The following RAVER2 variants were observed in gnomAD, a reference collection of about 807,000 sequenced individuals.
RAVER2 encodes ribonucleoprotein PTB-binding 2.
A neutral mutation model predicts 78.1 loss-of-function variants in RAVER2; 46 were observed. That is an observed-to-expected ratio of 0.59 (90% CI 0.46 to 0.75). The LOEUF (loss-of-function observed/expected upper bound fraction) is 0.75, where lower values mean the gene tolerates loss of function less well. Ranked by LOEUF, RAVER2 falls within the 30% of genes least tolerant of loss-of-function variation. The probability of loss-of-function intolerance (pLI) is 0.00; values close to 1 mark genes in which losing one functional copy is unlikely to be tolerated. For missense variants in RAVER2, 793 were observed against 837.5 expected (o/e 0.95, Z 0.66); for synonymous variants, 311 against 313.3 (o/e 0.99, Z 0.08).
chr1:64,832,696 ATGAC>A (rs1450438546), exon 12 of RAVER2: 6 of 152,194 alleles, frequency 3.9e-5, no homozygotes, highest in Admixed American at 3.9e-4. Context: ...CTGTTGGAAA[ATGAC>A]TGACAGCTAG....
rs1653136262 is a variant in RAVER2, at chr1:64,797,811, A to G, written c.1106-5165A>G. Among the ~76,000 whole-genome samples the G allele has an allele frequency of 2.0e-5, 3 of 152,180 alleles. No homozygotes were observed. The South Asian group carries it at 6.2e-4, about 32-fold the overall frequency. Reference sequence around the variant, plus strand: ...TAACAAAATATATTTTAAGTTGCCAAGTGGGTTTGTATTTTCTATTATCTT... The same window carrying G: ...TAACAAAATATATTTTAAGTTGCCAGGTGGGTTTGTATTTTCTATTATCTT... On this transcript the variant is annotated intron_variant, in intron 5 of 11. Transcript: ENST00000294428.
chr1:64,781,005 A>G (rs780598894), intron 3 of RAVER2, among the ~76,000 whole-genome samples: 1 of 152,186 alleles, frequency 6.6e-6, no homozygotes, highest in Non-Finnish European at 1.5e-5. Flanking sequence ...TAATTTGTTC[A>G]GTATGTTTCA....
intron 11 of RAVER2, among the ~76,000 whole-genome samples, chr1:64,816,947 T>TGTGC (rs1341301483): frequency 3.7e-4 from 57 of 152,152 alleles, no homozygotes; most frequent in African/African-American, 1.3e-3. Context: ...CAAAAGAAAC[T>TGTGC]ACCATCAGAG....
intron 1 of RAVER2, among the ~76,000 whole-genome samples, chr1:64,754,452 T>C (rs1651793708): frequency 6.6e-6 from 1 of 152,090 alleles, no homozygotes; most frequent in African/African-American, 2.4e-5. Context: ...TGTTCTAAAA[T>C]GCTATATTTC....
chr1:64,807,319 G>A, exon 9 of RAVER2: 2 of 1,614,120 alleles, frequency 1.2e-6, no homozygotes. Context: ...TAATACTCAG[G>A]AGAAACAGCC....
chr1:64,826,116 T>G (rs556108053), intron 11 of RAVER2, among the ~76,000 whole-genome samples: 1 of 152,332 alleles, frequency 6.6e-6, no homozygotes, highest in African/African-American at 2.4e-5. Context: ...AGAAAATATT[T>G]TTTGAAAGGT....
At chr1:64,825,991 C>T (rs115318518) in intron 11 of RAVER2, among the ~76,000 whole-genome samples, 63 of 152,364 alleles carry the variant, frequency 4.1e-4, no homozygotes, top group African/African-American at 1.5e-3. Flanking sequence ...GCGAGAAGCA[C>T]ATTAACCTTT....
intron 4 of RAVER2, among the ~76,000 whole-genome samples, chr1:64,783,375 A>G (rs2100841176): frequency 6.6e-6 from 1 of 152,264 alleles, no homozygotes; most frequent in African/African-American, 2.4e-5. Flanking sequence ...CTATTTCTCC[A>G]CATCCTCTCT....
intron 2 of RAVER2, among the ~76,000 whole-genome samples, chr1:64,771,151 A>C (rs1652305802): frequency 6.6e-6 from 1 of 152,008 alleles, no homozygotes; most frequent in African/African-American, 2.4e-5. Flanking sequence ...AATGTCTTAA[A>C]AGCAGCCAGA....
At chr1:64,808,456 CT>C (rs71584460) in intron 9 of RAVER2, among the ~76,000 whole-genome samples, 2,776 of 103,088 alleles carry the variant, frequency 0.027, 8 homozygotes, top group African/African-American at 0.038. Context: ...TAATGCAGTC[CT>C]TTTTTTTTTT....
intron 2 of RAVER2, among the ~76,000 whole-genome samples, chr1:64,771,357 G>T (rs1330764743): frequency 6.6e-6 from 1 of 151,636 alleles, no homozygotes; most frequent in Admixed American, 6.6e-5. Context: ...AAATAGAGAT[G>T]TTTTTCAGTC....
At chr1:64,779,474 T>C (rs1652569726) in intron 3 of RAVER2, among the ~76,000 whole-genome samples, 1 of 151,944 alleles carries the variant, frequency 6.6e-6, no homozygotes, top group South Asian at 2.1e-4. Flanking sequence ...GTTCAAGCGA[T>C]CTTCTTGTCT....
chr1:64,802,522 T>C (rs1263406600), intron 5 of RAVER2, among the ~76,000 whole-genome samples: 1 of 152,238 alleles, frequency 6.6e-6, no homozygotes, highest in Non-Finnish European at 1.5e-5. Flanking sequence ...GATTTTATTA[T>C]GTAAATATTT....
chr1:64,781,317 A>G lies in RAVER2; in HGVS notation c.787-63A>G, dbSNP rs1038800097. 4.9e-5 allele frequency: 69 copies of G among 1,400,020 alleles called. No homozygotes were observed. In the African/African-American group the frequency reaches 7.4e-4, roughly 15 times the overall value. 86.7% of individuals were successfully genotyped at this position (1,400,020 alleles called of 1,614,324 possible). A position where few individuals can be genotyped will look rare whatever the true frequency, so the allele number is the denominator to read the frequency against. The stretch of plus-strand genomic sequence containing the variant: ...TTGTTCTTGAATTTGAAAATTATAT[A>G]TCGTAAATAAATGTTTCTAAGTAAA... On this transcript the variant is annotated intron_variant, in intron 3 of 11. Coordinates refer to ENST00000294428, the Ensembl canonical transcript of RAVER2.
chr1:64,807,093 C>A, intron 8 of RAVER2, 113 bp from the exon 9 acceptor site: 2 of 1,245,550 alleles, frequency 1.6e-6, no homozygotes, highest in Non-Finnish European at 2.2e-6. Flanking sequence ...TGTTATCTAA[C>A]AGGTACAAAA....
At chr1:64,771,206 G>A (rs1242062358) in intron 2 of RAVER2, among the ~76,000 whole-genome samples, 1 of 151,722 alleles carries the variant, frequency 6.6e-6, no homozygotes. Context: ...CAAAGATTAA[G>A]ATGACCATAG....
chr1:64,817,878 G>A (rs190640489), intron 11 of RAVER2, among the ~76,000 whole-genome samples: 256 of 152,138 alleles, frequency 1.7e-3, no homozygotes, highest in African/African-American at 6.1e-3. Flanking sequence ...TTGTGCACAT[G>A]TACCCTAGAA....
exon 12 of RAVER2, chr1:64,832,151 C>CTATT (rs1276074603): frequency 1.4e-5 from 2 of 141,766 alleles, no homozygotes; most frequent in Non-Finnish European, 3.0e-5. Context: ...AGAATGGGGC[C>CTATT]TATTTTGATC....
chr1:64,776,915 A>T (rs1306030123), intron 2 of RAVER2, among the ~76,000 whole-genome samples: 15 of 152,222 alleles, frequency 9.9e-5, no homozygotes, highest in Non-Finnish European at 1.5e-5. Flanking sequence ...TGCTGGAACA[A>T]CTTCATTAGC....
Sources: allele counts gnomAD v4.1 joint callset (sites outside exome capture counted in the v4.1 genomes callset), GRCh38; gene constraint gnomAD v4.1.1; transcripts MANE v1.5; gene names NCBI Gene and HGNC (gene_info 2026-07-23, HGNC 2026-07-21).